EPS8: variants seen among roughly 807,000 people sequenced by gnomAD.
The protein encoded by EPS8 is EGFR pathway substrate 8, signaling adaptor.
EPS8 carries 42 observed loss-of-function variants against 103.8 expected under a neutral mutation model. The observed-to-expected ratio is 0.40, with a 90% CI of 0.32 to 0.52. EPS8 has a LOEUF of 0.52. Ranked by LOEUF, EPS8 falls within the 20% of genes least tolerant of loss-of-function variation. The pLI is 0.40. For synonymous variants in EPS8, 344 were observed against 344.6 expected, an observed-to-expected ratio of 1.00 and a Z score of 0.02; for missense variants, 969 against 1,005.1, an observed-to-expected ratio of 0.96 and a Z score of 0.49.
intron 1 of EPS8, among the ~76,000 whole-genome samples, chr12:15,758,050 T>C (rs1159860725): frequency 6.6e-6 from 1 of 152,292 alleles, no homozygotes; most frequent in East Asian, 1.9e-4. Context: ...CCGCCTAGGC[T>C]TCCTCACAGT....
chr12:15,624,353 A>G lies in EPS8; in HGVS notation c.2099T>C (p.Ile700Thr), dbSNP rs111934716. Reference protein sequence around the residue: ...VQDELIHRLTIGRSAAQKKFH... With the variant: ...VQDELIHRLTTGRSAAQKKFH... ...TTTCTTCTGAGCGGCACTCCGACCA[A>G]TGGTCAGTCTGTGGATGAGTTCATC... The change falls in exon 19 of 21, where the codon ATT becomes ACT. Residue 700 changes from isoleucine (I) to threonine (T), a missense_variant. By Grantham distance (89) the Ile-to-Thr change is moderately conservative. Coordinates refer to ENST00000281172, the MANE Select transcript of EPS8 (RefSeq NM_004447.6). 2.5e-3 allele frequency: 4,011 copies of G among 1,606,914 alleles called. 11 individuals are homozygous for G. Among genetic ancestry groups the G allele is most frequent in the Non-Finnish European group, 2.8e-3 (3,257 of 1,175,056 alleles).
chr12:15,676,814 C>A (rs1945917131), intron 3 of EPS8, among the ~76,000 whole-genome samples: 2 of 152,160 alleles, frequency 1.3e-5, no homozygotes, highest in African/African-American at 4.8e-5. Context: ...CAGAGTCTTT[C>A]ACATGCTGGC....
At chr12:15,720,396 T>G (rs1946582139) in intron 1 of EPS8, among the ~76,000 whole-genome samples, 1 of 152,108 alleles carries the variant, frequency 6.6e-6, no homozygotes, top group Admixed American at 6.6e-5. Context: ...ACAGCAATCC[T>G]TCTGCCTCAG....
At chr12:15,668,667 A>C (rs984783273) in intron 6 of EPS8, among the ~76,000 whole-genome samples, 13 of 152,204 alleles carry the variant, frequency 8.5e-5, no homozygotes, top group African/African-American at 3.1e-4. Context: ...TGAGCAATGA[A>C]TCAAGTCACA....
chr12:15,743,983 T>C (rs911431024), intron 1 of EPS8, among the ~76,000 whole-genome samples: 6 of 152,030 alleles, frequency 3.9e-5, no homozygotes, highest in Non-Finnish European at 8.8e-5. Context: ...CAACCTACAG[T>C]ATGGGAGAAA....
chr12:15,707,501 C>T (rs1208608376), intron 1 of EPS8, among the ~76,000 whole-genome samples: 4 of 151,714 alleles, frequency 2.6e-5, no homozygotes, highest in Non-Finnish European at 2.9e-5. Context: ...GTATAACAAA[C>T]ACTAATCAAG....
At chr12:15,750,213 C>T (rs1946917081) in intron 1 of EPS8, among the ~76,000 whole-genome samples, 1 of 152,176 alleles carries the variant, frequency 6.6e-6, no homozygotes, top group Non-Finnish European at 1.5e-5. Flanking sequence ...GCTAACAAAG[C>T]AATTGTCCCT....
At chr12:15,756,805 C>T (rs1037817555) in intron 1 of EPS8, among the ~76,000 whole-genome samples, 2 of 152,150 alleles carry the variant, frequency 1.3e-5, no homozygotes, top group Non-Finnish European at 2.9e-5. Context: ...AAGATACAGT[C>T]AAACCCCTAA....
rs1427424809 is a variant in EPS8, at chr12:15,738,617, G to T, written c.-22+50544C>A. On this transcript the variant is annotated intron_variant, in intron 1 of 20. Transcript: ENST00000281172. This position sits in a 1 kb window ranked among gnomAD's most constrained non-coding sequence, Gnocchi z 6.2. ...CTCACTTTATGCCCTAGGGCATTCT[G>T]CATTATTATGCCCTAGGGCATTTTA... 6.6e-6 allele frequency among the ~76,000 whole-genome samples: 1 copy of T among 152,088 alleles called. No homozygotes were observed. The highest frequency in any genetic ancestry group is 1.5e-5 in the Non-Finnish European group (1 of 68,012).
At chr12:15,625,553 T>C (rs902054403) in intron 18 of EPS8, among the ~76,000 whole-genome samples, 2 of 152,206 alleles carry the variant, frequency 1.3e-5, no homozygotes, top group East Asian at 1.9e-4. Context: ...ATTTTGCTTT[T>C]CCCCCCATCT....
rs1222945336 is a variant in EPS8, at chr12:15,752,218, C to T, written c.-22+36943G>A. Among the ~76,000 whole-genome samples the T allele has an allele frequency of 6.6e-6, 1 of 152,088 alleles. No homozygotes were observed. Among genetic ancestry groups the T allele is most frequent in the Non-Finnish European group, 1.5e-5 (1 of 67,996 alleles). ...ATCCCAGCACTTTGGGAGGCCGAGG[C>T]AGGCGGATCACGAGGTCAGGAGATC... On this transcript the variant is annotated intron_variant, in intron 1 of 20. Coordinates refer to ENST00000281172, the MANE Select transcript of EPS8 (RefSeq NM_004447.6). This position sits in a 1 kb window ranked among gnomAD's most constrained non-coding sequence, Gnocchi z 4.4.
At chr12:15,632,740 A>G (rs1945069286) in intron 17 of EPS8, among the ~76,000 whole-genome samples, 1 of 152,164 alleles carries the variant, frequency 6.6e-6, no homozygotes, top group South Asian at 2.1e-4. Context: ...CAATTTCCAC[A>G]GAGATCAAAA....
Position 15,769,431 on chromosome 12 carries a change from A to T in EPS8, c.-22+19730T>A, listed in dbSNP as rs1383530987. Among the ~76,000 whole-genome samples, 1 of 152,194 alleles carries T rather than the reference A, an allele frequency of 6.6e-6. No homozygotes were observed. Among genetic ancestry groups the T allele is most frequent in the Non-Finnish European group, 1.5e-5 (1 of 68,030 alleles). On this transcript the variant is annotated intron_variant, in intron 1 of 20. Coordinates refer to ENST00000281172, the MANE Select transcript of EPS8 (RefSeq NM_004447.6). The surrounding 1 kb of genome is among the most constrained non-coding windows in gnomAD (Gnocchi z 4.6). Reference sequence around the variant, plus strand: ...CATTTTCAAGGATATATTAAAGAAAATCACTCAGAGTTTTATGAAAAATAA... The same window carrying T: ...CATTTTCAAGGATATATTAAAGAAATTCACTCAGAGTTTTATGAAAAATAA...
Position 15,745,946 on chromosome 12 carries a change from G to A in EPS8, c.-22+43215C>T, listed in dbSNP as rs1485413905. Among the ~76,000 whole-genome samples, 1 of 152,224 alleles carries A rather than the reference G, an allele frequency of 6.6e-6. No individual in the cohort carries two copies. The highest frequency in any genetic ancestry group is 2.1e-4 in the South Asian group (1 of 4,832). ...GCCATAAAATCTCACAAAGCCTTAT[G>A]AGGGTTGAAGAGTTACACCATTTTC... On this transcript the variant is annotated intron_variant, in intron 1 of 20. Transcript: ENST00000281172. The surrounding 1 kb of genome is among the most constrained non-coding windows in gnomAD (Gnocchi z 4.6).
At chr12:15,673,479 T>C (rs11056594) in intron 3 of EPS8, among the ~76,000 whole-genome samples, 2,044 of 152,264 alleles carry the variant, frequency 0.013, 21 homozygotes, top group Non-Finnish European at 0.021. Context: ...AAATAGTAAT[T>C]AGGCTCCTAA....
Position 15,733,430 on chromosome 12 carries a change from G to A in EPS8, c.-21-50458C>T, listed in dbSNP as rs1469149232. Among the ~76,000 whole-genome samples the A allele has an allele frequency of 1.3e-5, 2 of 152,158 alleles. No homozygotes were observed. The highest frequency in any genetic ancestry group is 2.9e-5 in the Non-Finnish European group (2 of 68,040). ...CACCAGCTCCCTCCCTCAACACATGGGGATTCTGGGGATTATAATTTGAGA... is the reference window on the plus strand; with the variant it reads ...CACCAGCTCCCTCCCTCAACACATGAGGATTCTGGGGATTATAATTTGAGA... On this transcript the variant is annotated intron_variant, in intron 1 of 20. Coordinates refer to ENST00000281172, the MANE Select transcript of EPS8 (RefSeq NM_004447.6). This position sits in a 1 kb window ranked among gnomAD's most constrained non-coding sequence, Gnocchi z 4.8.
intron 4 of EPS8, 47 bp from the exon 5 acceptor site, chr12:15,669,872 A>T: frequency 7.0e-7 from 1 of 1,429,156 alleles, no homozygotes; most frequent in Non-Finnish European, 9.5e-7. Context: ...ATACAAACAC[A>T]TACAACCTCT....
chr12:15,788,945 C>A (rs1379631421), intron 1 of EPS8, among the ~76,000 whole-genome samples: 1 of 152,096 alleles, frequency 6.6e-6, no homozygotes, highest in Non-Finnish European at 1.5e-5. Context: ...CTGCACGGGC[C>A]CCACAGCTTG....
At chr12:15,765,687 G>A (rs1347831435) in intron 1 of EPS8, among the ~76,000 whole-genome samples, 1 of 151,990 alleles carries the variant, frequency 6.6e-6, no homozygotes, top group African/African-American at 2.4e-5. Flanking sequence ...TAGTAAATTA[G>A]TGTTACAAAG....
Sources: gnomAD v4.1 joint callset for allele counts (sites outside exome capture counted in the v4.1 genomes callset) on GRCh38, gnomAD v4.1.1 for gene constraint, Gnocchi (gnomAD v3.1) non-coding constraint, MANE v1.5 for transcripts, NCBI Gene and HGNC (gene_info 2026-07-23, HGNC 2026-07-21) for gene names.